The following USP34 variants were observed in gnomAD, a reference collection of about 807,000 sequenced individuals.
The protein encoded by USP34 is ubiquitin carboxyl-terminal hydrolase 34.
In USP34, 70 loss-of-function variants were observed where a neutral mutation model predicts 460.3. That is an observed-to-expected ratio of 0.15 (90% CI 0.13 to 0.19). The LOEUF (loss-of-function observed/expected upper bound fraction) is 0.19. Among genes scored for constraint, USP34 ranks in the 10% least tolerant of loss-of-function variants. The probability of loss-of-function intolerance (pLI) is 1.00; values close to 1 mark genes in which losing one functional copy is unlikely to be tolerated. For missense variants in USP34, 3,985 were observed against 4,236.2 expected, an observed-to-expected ratio of 0.94 and a Z score of 1.65; for synonymous variants, 1,647 against 1,405.3, an observed-to-expected ratio of 1.17 and a Z score of -3.85.
intron 57 of USP34, among the ~76,000 whole-genome samples, 198 bp from the exon 58 acceptor site, chr2:61,232,730 C>A (rs1687943809): frequency 6.6e-6 from 1 of 152,024 alleles, no homozygotes; most frequent in Admixed American, 6.6e-5. Context: ...CCATGGAATG[C>A]CATTTACATT....
intron 1 of USP34, among the ~76,000 whole-genome samples, chr2:61,435,470 A>G (rs1694788366): frequency 1.3e-5 from 2 of 152,196 alleles, no homozygotes; most frequent in African/African-American, 2.4e-5. Flanking sequence ...AAAAACAAAA[A>G]AACAGCTTAT....
At chr2:61,203,005 C>G in intron 75 of USP34, 135 bp downstream of exon 75, 1 of 964,360 alleles carries the variant, frequency 1.0e-6, no homozygotes. Flanking sequence ...AAAATGTTCC[C>G]AAGAATATTA....
intron 18 of USP34, 29 bp downstream of exon 18, chr2:61,339,322 G>C: frequency 1.3e-6 from 2 of 1,594,304 alleles, no homozygotes; most frequent in Non-Finnish European, 1.7e-6. Context: ...TTTGACTACT[G>C]CATTAAAAAT....
chr2:61,314,865 A>C lies in USP34; in HGVS notation c.3382+10T>G. 1 of 1,602,266 alleles carries C rather than the reference A, an allele frequency of 6.2e-7. No homozygotes were observed. Among genetic ancestry groups the C allele is most frequent in the Non-Finnish European group, 8.5e-7 (1 of 1,176,942 alleles). On this transcript the variant is annotated intron_variant, in intron 24 of 79. Coordinates refer to ENST00000398571, the MANE Select transcript of USP34 (RefSeq NM_014709.4). ...AAATTACCTATCAGACAATGTTTCAAATCACTTACCATTAATATAATAGGA... is the reference window on the plus strand; with the variant it reads ...AAATTACCTATCAGACAATGTTTCACATCACTTACCATTAATATAATAGGA...
chr2:61,273,346 A>T (rs542978259), intron 41 of USP34, among the ~76,000 whole-genome samples: 6 of 152,340 alleles, frequency 3.9e-5, no homozygotes, highest in Non-Finnish European at 5.9e-5. Context: ...ATTTTTTTAA[A>T]GAACTAGATG....
chr2:61,334,607 T>C (rs1335228807), intron 18 of USP34, among the ~76,000 whole-genome samples: 1 of 152,186 alleles, frequency 6.6e-6, no homozygotes, highest in Non-Finnish European at 1.5e-5. Context: ...TTTTCACAAA[T>C]TTAGGAAGTA....
At chr2:61,401,570 AC>A (rs1440959278) in intron 3 of USP34, among the ~76,000 whole-genome samples, 2 of 109,098 alleles carry the variant, frequency 1.8e-5, no homozygotes, top group African/African-American at 7.2e-5. Context: ...TTTTTTTGAG[AC>A]AGAGTCTCAC....
In USP34 at chr2:61,350,680, C is replaced by A. The variant is rs1691918134; in HGVS notation, c.1265G>T (p.Ser422Ile). The change falls in exon 11 of 80, where the codon AGT becomes ATT. Residue 422 changes from serine to isoleucine, a missense_variant. By Grantham distance (142) the Ser-to-Ile change is moderately radical. This residue lies in a region of USP34 where 716 missense variants were observed against 626.2 expected (regional missense o/e 1.14). Coordinates refer to ENST00000398571, the MANE Select transcript of USP34 (RefSeq NM_014709.4). ...IWAAAQLKHC[S>I]RYIHDLFPSL... ...AGGAAATAAGTCATGTATATACCGA[C>A]TACAATGTTTCAACTAGAAAATCAA... The A allele has an allele frequency of 6.2e-7, 1 of 1,609,478 alleles. No homozygotes were observed. Among genetic ancestry groups the A allele is most frequent in the Non-Finnish European group, 8.5e-7 (1 of 1,178,814 alleles).
chr2:61,277,983 G>T, intron 41 of USP34, 182 bp downstream of exon 41: 1 of 748,916 alleles, frequency 1.3e-6, no homozygotes, highest in Non-Finnish European at 2.0e-6. Flanking sequence ...TTGCCTTCCG[G>T]CACGATTGTG....
intron 41 of USP34, among the ~76,000 whole-genome samples, chr2:61,275,617 C>CTT (rs34255356): frequency 3.4e-5 from 5 of 146,956 alleles, no homozygotes; most frequent in African/African-American, 1.0e-4. Context: ...GACCCTGTCC[C>CTT]TTTTTTTTTT....
intron 16 of USP34, among the ~76,000 whole-genome samples, chr2:61,340,275 A>G (rs1572948985): frequency 1.3e-5 from 2 of 152,196 alleles, no homozygotes; most frequent in East Asian, 3.8e-4. Context: ...AGACTCTTTT[A>G]TAGAAATACT....
Position 61,246,356 on chromosome 2 carries a change from T to A in USP34, c.6516A>T (p.Ile2172=), listed in dbSNP as rs1453384038. 1 of 1,596,038 alleles carries A rather than the reference T, an allele frequency of 6.3e-7. No individual in the cohort carries two copies. The highest frequency in any genetic ancestry group is 8.5e-7 in the Non-Finnish European group (1 of 1,171,946). The change falls in exon 50 of 80, where the codon ATA becomes ATT. Residue 2172 remains isoleucine, a synonymous_variant. Transcript: ENST00000398571. ...TGTTTTTATAAGCATGGGGATTTAC[T>A]ATATCTCTGATAAAGCTATAATAGT... The part of the protein sequence containing the change: ...GGHYYSFIRD[I]VNPHAYKNNK...
intron 27 of USP34, among the ~76,000 whole-genome samples, chr2:61,308,725 T>A (rs972634367): frequency 2.0e-5 from 3 of 152,148 alleles, no homozygotes; most frequent in African/African-American, 7.2e-5. Context: ...AAGTGAAGAC[T>A]GATTAATGTC....
chr2:61,388,947 T>A (rs967522722), intron 5 of USP34, among the ~76,000 whole-genome samples: 1 of 152,100 alleles, frequency 6.6e-6, no homozygotes, highest in African/African-American at 2.4e-5. Flanking sequence ...TAAATTGGTA[T>A]ATTTTAAAAG....
chr2:61,306,263 G>T (rs1004572828), intron 27 of USP34, among the ~76,000 whole-genome samples: 4 of 152,164 alleles, frequency 2.6e-5, no homozygotes, highest in African/African-American at 9.7e-5. Context: ...GTAAGGAAGG[G>T]ATCCAGTTTC....
intron 7 of USP34, among the ~76,000 whole-genome samples, chr2:61,379,217 C>G: frequency 6.6e-6 from 1 of 152,064 alleles, no homozygotes; most frequent in East Asian, 1.9e-4. Context: ...CAAAACAAAA[C>G]AAAACAAAAA....
intron 78 of USP34, chr2:61,189,701 GA>G (rs1352087902): frequency 6.6e-6 from 1 of 152,404 alleles, no homozygotes; most frequent in African/African-American, 2.4e-5. Context: ...AACAAACCTT[GA>G]AATCAGTTTC....
At chr2:61,393,629 G>C (rs369215113) in intron 5 of USP34, among the ~76,000 whole-genome samples, 167 of 152,184 alleles carry the variant, frequency 1.1e-3, no homozygotes, top group African/African-American at 3.9e-3. Flanking sequence ...TGGAAACAAT[G>C]CAACAAAATA....
intron 20 of USP34, 112 bp downstream of exon 20, chr2:61,331,164 G>C: frequency 1.1e-6 from 1 of 896,010 alleles, no homozygotes; most frequent in South Asian, 1.8e-5. Flanking sequence ...TACAAATAAA[G>C]TTTTCTGTTA....
Sources: allele counts gnomAD v4.1 joint callset (sites outside exome capture counted in the v4.1 genomes callset), GRCh38; gene constraint gnomAD v4.1.1; regional missense constraint gnomAD v4.1.1; transcripts MANE v1.5; gene names NCBI Gene and HGNC (gene_info 2026-07-23, HGNC 2026-07-21).